The following RPS6KC1 variants were observed in gnomAD, a reference collection of about 807,000 sequenced individuals.
RPS6KC1 encodes ribosomal protein S6 kinase C1.
Under a neutral mutation model 103.8 loss-of-function variants are expected in RPS6KC1, and 54 were observed. The observed-to-expected ratio is 0.52, with a 90% CI of 0.42 to 0.65. The LOEUF is 0.65. RPS6KC1 is among the 30% of genes least tolerant of loss of function. The pLI is 0.00. For missense variants in RPS6KC1, 1,151 were observed against 1,253.8 expected (o/e 0.92, Z 1.24); for synonymous variants, 439 against 438.7 (o/e 1.00, Z -0.01).
the RPS6KC1 span, among the ~76,000 whole-genome samples, chr1:213,351,069 A>C: frequency 6.6e-6 from 1 of 152,204 alleles, no homozygotes; most frequent in Non-Finnish European, 1.5e-5. Context: ...GATTATATTT[A>C]ATTAAGTACA....
chr1:213,383,519 C>T, the RPS6KC1 span, among the ~76,000 whole-genome samples: 1 of 152,234 alleles, frequency 6.6e-6, no homozygotes, highest in South Asian at 2.1e-4. Flanking sequence ...GTAAACTCTA[C>T]ACCCACTTCA....
the RPS6KC1 span, among the ~76,000 whole-genome samples, chr1:213,433,924 CT>C: frequency 6.6e-6 from 1 of 152,110 alleles, no homozygotes; most frequent in Non-Finnish European, 1.5e-5. Flanking sequence ...TGAAGACTGT[CT>C]TTCAAAAAGC....
At chr1:213,488,675 C>T in the RPS6KC1 span, among the ~76,000 whole-genome samples, 1 of 152,214 alleles carries the variant, frequency 6.6e-6, no homozygotes, top group African/African-American at 2.4e-5. Flanking sequence ...GGAGTCTGAA[C>T]TCTAAGAATA....
the RPS6KC1 span, among the ~76,000 whole-genome samples, chr1:213,513,375 T>C: frequency 6.6e-6 from 1 of 152,226 alleles, no homozygotes. Context: ...AAGTACCACA[T>C]TTGTGCTAGT....
At chr1:213,678,917 G>A in the RPS6KC1 span, among the ~76,000 whole-genome samples, 1 of 152,192 alleles carries the variant, frequency 6.6e-6, no homozygotes, top group Non-Finnish European at 1.5e-5. Flanking sequence ...TGCAAAGGGT[G>A]GCTCTAATGT....
the RPS6KC1 span, among the ~76,000 whole-genome samples, chr1:213,507,035 T>A: frequency 6.6e-6 from 1 of 152,194 alleles, no homozygotes; most frequent in Non-Finnish European, 1.5e-5. Flanking sequence ...GTGTTCTGAA[T>A]GACCAATGTG....
chr1:213,789,106 T>C, the RPS6KC1 span, among the ~76,000 whole-genome samples: 6 of 152,226 alleles, frequency 3.9e-5, no homozygotes, highest in Non-Finnish European at 7.3e-5. Flanking sequence ...GTTAAAATGA[T>C]GACCAAGAGT....
chr1:213,458,771 T>C, the RPS6KC1 span, among the ~76,000 whole-genome samples: 4 of 152,314 alleles, frequency 2.6e-5, no homozygotes, highest in Admixed American at 2.6e-4. Flanking sequence ...CTTATTATTT[T>C]GAGATACATT....
chr1:213,401,741 A>G, the RPS6KC1 span, among the ~76,000 whole-genome samples: 3 of 151,886 alleles, frequency 2.0e-5, no homozygotes, highest in East Asian at 1.9e-4. Context: ...CTTTTTGTGT[A>G]TATTTGTTTC....
At chr1:213,656,813 T>C in the RPS6KC1 span, among the ~76,000 whole-genome samples, 1 of 152,250 alleles carries the variant, frequency 6.6e-6, no homozygotes, top group African/African-American at 2.4e-5. Flanking sequence ...TGACACAGTG[T>C]AAGAGAATGT....
At chr1:213,647,158 G>T in the RPS6KC1 span, among the ~76,000 whole-genome samples, 1 of 152,076 alleles carries the variant, frequency 6.6e-6, no homozygotes, top group Non-Finnish European at 1.5e-5. Context: ...TGATCTACCT[G>T]CCTCTGCCTC....
chr1:213,523,238 C>T, the RPS6KC1 span, among the ~76,000 whole-genome samples: 16 of 152,266 alleles, frequency 1.1e-4, no homozygotes, highest in East Asian at 3.9e-4. Flanking sequence ...TTAAGTTCAC[C>T]GTCTTACATG....
the RPS6KC1 span, among the ~76,000 whole-genome samples, chr1:213,561,143 C>G: frequency 1.3e-5 from 2 of 152,176 alleles, no homozygotes; most frequent in Non-Finnish European, 2.9e-5. Flanking sequence ...TATACGTCTA[C>G]TCGGGTATTA....
the RPS6KC1 span, among the ~76,000 whole-genome samples, chr1:213,457,582 C>G: frequency 6.6e-6 from 1 of 152,296 alleles, no homozygotes; most frequent in East Asian, 1.9e-4. Context: ...GTTCAACTAC[C>G]AGAGCTCAGG....
the RPS6KC1 span, among the ~76,000 whole-genome samples, chr1:213,716,306 G>A: frequency 6.6e-6 from 1 of 152,140 alleles, no homozygotes; most frequent in East Asian, 1.9e-4. Context: ...CTCTGTGGAC[G>A]AGGCATCCTG....
At chr1:213,203,815 T>A (rs528682734) in intron 8 of RPS6KC1, among the ~76,000 whole-genome samples, 13 of 152,340 alleles carry the variant, frequency 8.5e-5, no homozygotes, top group African/African-American at 2.9e-4. Flanking sequence ...TTAGCCTGTG[T>A]TTTCACATAA....
intron 6 of RPS6KC1, among the ~76,000 whole-genome samples, chr1:213,144,596 C>T (rs2087501309): frequency 6.6e-6 from 1 of 152,022 alleles, no homozygotes; most frequent in Admixed American, 6.6e-5. Flanking sequence ...GCTTGTTCTT[C>T]CCCACTTGAT....
chr1:213,342,409 A>G, the RPS6KC1 span, among the ~76,000 whole-genome samples: 1 of 152,236 alleles, frequency 6.6e-6, no homozygotes, highest in Non-Finnish European at 1.5e-5. Flanking sequence ...GACTTTTCCC[A>G]GCATGGTAGG....
chr1:213,307,801 G>A, the RPS6KC1 span, among the ~76,000 whole-genome samples: 1 of 152,052 alleles, frequency 6.6e-6, no homozygotes, highest in Non-Finnish European at 1.5e-5. Context: ...GCACAGAGAG[G>A]GCCTCACCAG....
Sources: allele counts gnomAD v4.1 joint callset (sites outside exome capture counted in the v4.1 genomes callset), GRCh38; gene constraint gnomAD v4.1.1; transcripts MANE v1.5; gene names NCBI Gene and HGNC (gene_info 2026-07-23, HGNC 2026-07-21).